Variants in BANP observed in about 807,000 individuals in gnomAD.
BANP encodes the protein protein BANP.
In BANP, 11 loss-of-function variants were observed where a neutral mutation model predicts 68.1. The observed-to-expected ratio is 0.16, with a 90% CI of 0.10 to 0.27. The LOEUF is 0.27. Among genes scored for constraint, BANP ranks in the 10% least tolerant of loss-of-function variants. BANP has a pLI of 1.00. For synonymous variants in BANP, 329 were observed against 303.2 expected (o/e 1.09, Z -0.88); for missense variants, 504 against 722.7 (o/e 0.70, Z 3.47).
chr16:88,036,947 C>T lies in BANP; in HGVS notation c.1273-1026C>T, dbSNP rs1443952339. Among the ~76,000 whole-genome samples, 7 of 152,120 alleles carry T rather than the reference C, an allele frequency of 4.6e-5. No individual in the cohort carries two copies. Among genetic ancestry groups the T allele is most frequent in the Non-Finnish European group, 4.4e-5 (3 of 68,016 alleles). ...CCTGAGTGGCTGCGAGGTGCAGGAT[C>T]CCAGCAGCACCTTCCAGTGCAGGAG... On this transcript the variant is annotated intron_variant, in intron 10 of 13. Transcript: ENST00000682872. This position sits in a 1 kb window ranked among gnomAD's most constrained non-coding sequence, Gnocchi z 4.2.
intron 11 of BANP, among the ~76,000 whole-genome samples, chr16:88,050,921 A>G (rs902744024): frequency 6.6e-6 from 1 of 152,176 alleles, no homozygotes; most frequent in Admixed American, 6.5e-5. Flanking sequence ...TCCTGCGCTC[A>G]AGCGATCCGC....
At chr16:88,056,762 A>T (rs7501245) in intron 11 of BANP, among the ~76,000 whole-genome samples, 73,031 of 152,156 alleles carry the variant, frequency 0.48, 20,357 homozygotes, top group Non-Finnish European at 0.65. Flanking sequence ...ATATATATTT[A>T]AAAGGTTATT....
chr16:87,995,850 G>A (rs901263933), intron 4 of BANP, among the ~76,000 whole-genome samples: 5 of 152,360 alleles, frequency 3.3e-5, no homozygotes, highest in South Asian at 2.1e-4. Context: ...CAGCGCGCCC[G>A]GCCTTGTTCA....
intron 11 of BANP, among the ~76,000 whole-genome samples, chr16:88,041,425 G>T (rs878871985): frequency 6.6e-6 from 1 of 152,110 alleles, no homozygotes; most frequent in Non-Finnish European, 1.5e-5. Context: ...TTTGAGTCAT[G>T]TTTTCTTCAA....
In BANP at chr16:88,038,028, C is replaced by T. The variant is rs769450599; in HGVS notation, c.1311+17C>T. The stretch of plus-strand genomic sequence containing the variant: ...GACGGTCAGGTGAGTGTCCCAGTCC[C>T]CATGCACATGCGGGCGTTGCGCTGC... On this transcript the variant is annotated intron_variant, in intron 11 of 13. Coordinates refer to ENST00000682872, the MANE Select transcript of BANP (RefSeq NM_001386991.1). 27 of 1,613,172 alleles carry T rather than the reference C, an allele frequency of 1.7e-5. No individual in the cohort carries two copies. Among genetic ancestry groups the T allele is most frequent in the African/African-American group, 2.7e-5 (2 of 74,908 alleles).
At chr16:88,069,567 G>A (rs1014812029) in intron 12 of BANP, among the ~76,000 whole-genome samples, 4 of 152,096 alleles carry the variant, frequency 2.6e-5, no homozygotes, top group Non-Finnish European at 5.9e-5. Flanking sequence ...GGACCCAGGT[G>A]CTTCCTGTAT....
At chr16:87,998,314 G>A (rs2067862503) in intron 4 of BANP, among the ~76,000 whole-genome samples, 1 of 152,228 alleles carries the variant, frequency 6.6e-6, no homozygotes, top group Non-Finnish European at 1.5e-5. Context: ...TTTTGGTTAG[G>A]AATGTCAGCT....
intron 8 of BANP, 78 bp from the exon 9 acceptor site, chr16:88,033,031 C>T (rs570299753): frequency 1.0e-4 from 147 of 1,416,274 alleles, no homozygotes; most frequent in Middle Eastern, 2.6e-4. Flanking sequence ...CAGTGGGGGA[C>T]GGGGGTGCAC....
At chr16:88,049,826 G>A (rs572625722) in intron 11 of BANP, among the ~76,000 whole-genome samples, 1 of 152,302 alleles carries the variant, frequency 6.6e-6, no homozygotes, top group South Asian at 2.1e-4. Flanking sequence ...GGCATCCGAC[G>A]AACACCAGAC....
intron 4 of BANP, among the ~76,000 whole-genome samples, chr16:87,993,192 C>T (rs1316964393): frequency 2.0e-5 from 3 of 152,210 alleles, no homozygotes; most frequent in East Asian, 1.9e-4. Context: ...AATGCTGATG[C>T]GGGTCACCTG....
intron 13 of BANP, among the ~76,000 whole-genome samples, chr16:88,075,804 T>A (rs1297823350): frequency 1.3e-5 from 2 of 148,510 alleles, no homozygotes; most frequent in East Asian, 4.0e-4. Context: ...TGGAGTGCAT[T>A]GGTGCAATCT....
At chr16:88,054,012 T>TACC (rs1254091501) in intron 11 of BANP, among the ~76,000 whole-genome samples, 3 of 34,400 alleles carry the variant, frequency 8.7e-5, no homozygotes, top group African/African-American at 2.7e-4. Flanking sequence ...CAACCACCTT[T>TACC]ACCACCACCA....
intron 12 of BANP, among the ~76,000 whole-genome samples, chr16:88,068,374 C>T (rs1376081289): frequency 6.6e-6 from 1 of 152,366 alleles, no homozygotes. Context: ...AGTCAAGTCC[C>T]TGCACCGCGC....
chr16:88,040,093 G>T (rs12922388), intron 11 of BANP, among the ~76,000 whole-genome samples: 41,335 of 152,068 alleles, frequency 0.27, 7,276 homozygotes, highest in Non-Finnish European at 0.41. Flanking sequence ...GGAGAGGCCG[G>T]TGCTGCCACT....
chr16:87,983,681 C>T (rs1567659011), intron 3 of BANP, among the ~76,000 whole-genome samples: 1 of 151,866 alleles, frequency 6.6e-6, no homozygotes, highest in Non-Finnish European at 1.5e-5. Flanking sequence ...GGCTTTTATG[C>T]TGTGTCGATG....
At chr16:88,008,496 C>G (rs948701034) in intron 6 of BANP, among the ~76,000 whole-genome samples, 20 of 152,106 alleles carry the variant, frequency 1.3e-4, no homozygotes, top group African/African-American at 4.8e-4. Flanking sequence ...CCCTTCAGGC[C>G]TGATGTTTGT....
chr16:87,953,932 C>T (rs761998517), intron 1 of BANP, among the ~76,000 whole-genome samples: 1 of 152,156 alleles, frequency 6.6e-6, no homozygotes, highest in African/African-American at 2.4e-5. Flanking sequence ...TTGTGGAGAC[C>T]CCTCTCCCTC....
intron 5 of BANP, among the ~76,000 whole-genome samples, chr16:88,005,679 G>A (rs988722636): frequency 6.6e-6 from 1 of 152,148 alleles, no homozygotes; most frequent in Admixed American, 6.5e-5. Context: ...CATCTCCAGC[G>A]AGCCCAGCAG....
chr16:88,035,431 C>T lies in BANP; in HGVS notation c.1272+37C>T, dbSNP rs1172408404. ...CTCGCTGCAGCACTGTCCCTGCAGG[C>T]ACCGTGCCCACATGCTCCCGACCTT... On this transcript the variant is annotated intron_variant, in intron 10 of 13. Coordinates refer to ENST00000682872, the MANE Select transcript of BANP (RefSeq NM_001386991.1). 4 of 1,539,042 alleles carry T rather than the reference C, an allele frequency of 2.6e-6. No individual in the cohort carries two copies. The South Asian group carries it at 3.5e-5, about 14-fold the overall frequency.
Sources: allele counts gnomAD v4.1 joint callset (sites outside exome capture counted in the v4.1 genomes callset), GRCh38; gene constraint gnomAD v4.1.1; non-coding constraint Gnocchi (gnomAD v3.1); transcripts MANE v1.5; gene names NCBI Gene and HGNC (gene_info 2026-07-23, HGNC 2026-07-21).